EXOC4: variants seen among roughly 807,000 people sequenced by gnomAD.
EXOC4 encodes SEC8-like 1.
EXOC4 carries 71 observed loss-of-function variants against 107.2 expected under a neutral mutation model. The ratio of observed to expected loss-of-function variants is 0.66; its 90% confidence interval spans 0.55 to 0.81. The LOEUF (loss-of-function observed/expected upper bound fraction) is 0.81. Among genes scored for constraint, EXOC4 ranks in the 30% least tolerant of loss-of-function variants. The probability of loss-of-function intolerance (pLI) is 0.00; values close to 1 mark genes in which losing one functional copy is unlikely to be tolerated. For synonymous variants in EXOC4, 456 were observed against 441.2 expected (o/e 1.03, Z -0.42); for missense variants, 1,108 against 1,189.6 (o/e 0.93, Z 1.01).
At chr7:133,529,127 AC>A (rs1289628155) in intron 9 of EXOC4, among the ~76,000 whole-genome samples, 2 of 150,264 alleles carry the variant, frequency 1.3e-5, no homozygotes, top group South Asian at 2.1e-4. Context: ...TTATTGAAAA[AC>A]TCTATTGGCC....
At chr7:133,858,768 G>A (rs1199249050) in intron 11 of EXOC4, among the ~76,000 whole-genome samples, 1 of 152,152 alleles carries the variant, frequency 6.6e-6, no homozygotes, top group South Asian at 2.1e-4. Flanking sequence ...CCCCATGGCG[G>A]TTAATCCAAA....
At chr7:133,716,026 C>T (rs2151101302) in intron 10 of EXOC4, among the ~76,000 whole-genome samples, 1 of 152,290 alleles carries the variant, frequency 6.6e-6, no homozygotes, top group African/African-American at 2.4e-5. Context: ...GTGGAAGGCA[C>T]ATGGTATCTC....
chr7:133,754,328 G>A (rs761680133), intron 10 of EXOC4, among the ~76,000 whole-genome samples: 12 of 152,162 alleles, frequency 7.9e-5, no homozygotes, highest in Non-Finnish European at 1.3e-4. Context: ...TCGAATTTGT[G>A]GCATTTGAGG....
rs1306221488 is a variant in EXOC4, at chr7:133,859,339, A to G, written c.1735-36260A>G. ...CCAGAGAGCTTTTCTGAATATGACA[A>G]CCATCTAAAGACGAATTATCTCCTT... On this transcript the variant is annotated intron_variant, in intron 11 of 17. Coordinates refer to ENST00000253861, the MANE Select transcript of EXOC4 (RefSeq NM_021807.4). Among the ~76,000 whole-genome samples the G allele has an allele frequency of 7.2e-5, 11 of 152,242 alleles. No individual in the cohort carries two copies. In the East Asian group the frequency reaches 1.2e-3, roughly 16 times the overall value.
chr7:133,403,112 T>G (rs1004088246), intron 7 of EXOC4, among the ~76,000 whole-genome samples: 1 of 149,902 alleles, frequency 6.7e-6, no homozygotes, highest in Non-Finnish European at 1.5e-5. Context: ...CTTGATCTCC[T>G]GACCTCGTGA....
At chr7:133,463,665 C>G (rs1028767749) in intron 7 of EXOC4, among the ~76,000 whole-genome samples, 1 of 151,998 alleles carries the variant, frequency 6.6e-6, no homozygotes, top group Non-Finnish European at 1.5e-5. Context: ...TACTAATACT[C>G]AAGTAGTTAG....
At chr7:133,503,866 A>T (rs1799620155) in intron 9 of EXOC4, among the ~76,000 whole-genome samples, 1 of 151,894 alleles carries the variant, frequency 6.6e-6, no homozygotes, top group South Asian at 2.1e-4. Context: ...AATCTGTGAC[A>T]CCCAGCAGTG....
At chr7:134,092,511 C>A in the EXOC4 span, among the ~76,000 whole-genome samples, 5 of 152,208 alleles carry the variant, frequency 3.3e-5, no homozygotes, top group Middle Eastern at 0.014. Flanking sequence ...ATAATATCTA[C>A]TCAGCAGAAA....
At chr7:133,527,708 A>AC (rs1392816792) in intron 9 of EXOC4, among the ~76,000 whole-genome samples, 11 of 152,218 alleles carry the variant, frequency 7.2e-5, no homozygotes, top group Non-Finnish European at 7.3e-5. Context: ...AGAAAATGTG[A>AC]ATTACATTAA....
chr7:133,284,656 C>G (rs999206583), intron 2 of EXOC4, among the ~76,000 whole-genome samples: 2 of 152,104 alleles, frequency 1.3e-5, no homozygotes, highest in African/African-American at 2.4e-5. Context: ...CTTAGCCTCC[C>G]GAGTAGCTGG....
intron 4 of EXOC4, among the ~76,000 whole-genome samples, chr7:133,308,879 C>A (rs193025185): frequency 3.4e-4 from 52 of 152,244 alleles, no homozygotes; most frequent in Admixed American, 1.5e-3. Context: ...TTATTTCGTT[C>A]CTGGTGGCTA....
intron 4 of EXOC4, among the ~76,000 whole-genome samples, chr7:133,309,684 A>G (rs1039135417): frequency 6.6e-6 from 1 of 152,202 alleles, no homozygotes; most frequent in African/African-American, 2.4e-5. Flanking sequence ...TCACGCCTGT[A>G]ATCCCAGCAC....
the EXOC4 span, among the ~76,000 whole-genome samples, chr7:134,080,373 G>T: frequency 1.3e-5 from 2 of 152,100 alleles, no homozygotes; most frequent in African/African-American, 4.8e-5. Flanking sequence ...GATAAGGTTG[G>T]AGAATAATTC....
At chr7:133,379,871 G>A (rs1297226320) in intron 7 of EXOC4, among the ~76,000 whole-genome samples, 1 of 152,232 alleles carries the variant, frequency 6.6e-6, no homozygotes, top group African/African-American at 2.4e-5. Context: ...TAATAAAGAT[G>A]ATTGTAATGA....
intron 1 of EXOC4, among the ~76,000 whole-genome samples, chr7:133,272,810 A>T (rs1296941673): frequency 6.6e-6 from 1 of 152,310 alleles, no homozygotes; most frequent in East Asian, 1.9e-4. Context: ...TCATTTTAGT[A>T]ACCCTTTCTA....
rs767472487 is a variant in EXOC4 at position 133,997,510 on chromosome 7, A to G, written c.2225A>G (p.Asp742Gly). 6.2e-7 allele frequency: 1 copy of G among 1,613,660 alleles called. No individual in the cohort carries two copies. Among genetic ancestry groups the G allele is most frequent in the South Asian group, 1.1e-5 (1 of 91,078 alleles). The change falls in exon 15 of 18, where the codon GAC becomes GGC. Residue 742 changes from aspartate to glycine, a missense_variant. Asp to Gly is a moderately conservative substitution (Grantham distance 94). Transcript: ENST00000253861. ...CTTTCAGTGCTTTCTCCTGCTCAAG[A>G]CAGCCACACGAACACGGATCTCCCC... Reference protein sequence around the residue: ...STSQMLSPAQDSHTNTDLPPV... With the variant: ...STSQMLSPAQGSHTNTDLPPV...
intron 9 of EXOC4, among the ~76,000 whole-genome samples, chr7:133,616,470 A>G (rs1406103956): frequency 6.6e-6 from 1 of 152,122 alleles, no homozygotes; most frequent in Non-Finnish European, 1.5e-5. Context: ...TATATTTTTG[A>G]AAACCATTGA....
Position 133,412,278 on chromosome 7 carries a change from G to GTTTTTTTTTTTTTTTTTTTTT in EXOC4, c.1182+37279_1182+37299dup, listed in dbSNP as rs35334259. ...ATCTGGTCAATACTGTCAGAATTCA[G>GTTTTTTTTTTTTTTTTTTTTT]TTTTTTTTTTTTTTTTTTTTTTTGC... On this transcript the variant is annotated intron_variant, in intron 7 of 17. Coordinates refer to ENST00000253861, the MANE Select transcript of EXOC4 (RefSeq NM_021807.4). 1.5e-4 allele frequency among the ~76,000 whole-genome samples: 11 copies of GTTTTTTTTTTTTTTTTTTTTT among 71,482 alleles called. 2 individuals are homozygous for GTTTTTTTTTTTTTTTTTTTTT. Among genetic ancestry groups the GTTTTTTTTTTTTTTTTTTTTT allele is most frequent in the Admixed American group, 4.9e-4 (2 of 4,110 alleles). The allele number at this position is 71,482 out of a possible 152,430, so 46.9% of individuals were successfully genotyped here.
intron 14 of EXOC4, among the ~76,000 whole-genome samples, chr7:133,975,933 G>T (rs896335103): frequency 6.6e-5 from 10 of 152,240 alleles, no homozygotes; most frequent in South Asian, 2.1e-4. Flanking sequence ...TTCACAGCCT[G>T]TGCTTTTAAC....
Sources: gnomAD v4.1 joint callset for allele counts (sites outside exome capture counted in the v4.1 genomes callset) on GRCh38, gnomAD v4.1.1 for gene constraint, MANE v1.5 for transcripts, NCBI Gene and HGNC (gene_info 2026-07-23, HGNC 2026-07-21) for gene names.